The following FZR1 variants were observed in gnomAD, a reference collection of about 807,000 sequenced individuals.
FZR1 encodes the protein fizzy-related protein homolog.
A neutral mutation model predicts 63.6 loss-of-function variants in FZR1; 11 were observed. The ratio of observed to expected loss-of-function variants is 0.17; its 90% CI spans 0.11 to 0.29. The LOEUF (loss-of-function observed/expected upper bound fraction) is 0.29. Ranked by LOEUF, FZR1 falls within the 10% of genes least tolerant of loss-of-function variation. The pLI is 1.00. For synonymous variants in FZR1, 328 were observed against 297.9 expected (o/e 1.10, Z -1.04); for missense variants, 440 against 687.5 (o/e 0.64, Z 4.03).
At chr19:3,508,711 C>T (rs1159344756) in intron 1 of FZR1, among the ~76,000 whole-genome samples, 1 of 152,172 alleles carries the variant, frequency 6.6e-6, no homozygotes, top group Non-Finnish European at 1.5e-5. Context: ...GCTTGGTCTT[C>T]TAGGAACTCA....
chr19:3,534,365 C>G, intron 12 of FZR1, 56 bp from the exon 13 acceptor site: 1 of 982,242 alleles, frequency 1.0e-6, no homozygotes, highest in Non-Finnish European at 1.6e-6. Flanking sequence ...TCCCCCAGCA[C>G]TGTCCCGAGG....
rs1167032975 is a variant in FZR1, at chr19:3,514,376, T to A, written c.-35+7902T>A. Among the ~76,000 whole-genome samples, 2 of 152,166 alleles carry A rather than the reference T, an allele frequency of 1.3e-5. No individual in the cohort carries two copies. Among genetic ancestry groups the A allele is most frequent in the Non-Finnish European group, 2.9e-5 (2 of 68,006 alleles). The stretch of plus-strand genomic sequence containing the variant: ...TCTCTGCCCTTGCACCCTGTGGACA[T>A]TGGGGCCGGATCGTTCTCTGGGGTG... On this transcript the variant is annotated intron_variant, in intron 1 of 13. Coordinates refer to ENST00000441788, the MANE Select transcript of FZR1 (RefSeq NM_016263.4). This position sits in a 1 kb window ranked among gnomAD's most constrained non-coding sequence, Gnocchi z 4.2.
chr19:3,518,875 A>G (rs1482365088), intron 1 of FZR1, among the ~76,000 whole-genome samples: 3 of 152,232 alleles, frequency 2.0e-5, no homozygotes, highest in Non-Finnish European at 4.4e-5. Context: ...CCATAAAAAA[A>G]AGTGTTTCCT....
intron 1 of FZR1, among the ~76,000 whole-genome samples, chr19:3,506,948 C>T (rs922404245): frequency 6.6e-6 from 1 of 152,174 alleles, no homozygotes; most frequent in East Asian, 1.9e-4. Context: ...CACGAAGCCG[C>T]CCCCCATCGC....
chr19:3,532,596 C>T lies in FZR1; in HGVS notation c.1188C>T (p.Ile396=), dbSNP rs752495090. The change falls in exon 11 of 14, where the codon ATC becomes ATT. Residue 396 remains isoleucine (I), a synonymous_variant. Coordinates refer to ENST00000441788, the MANE Select transcript of FZR1 (RefSeq NM_016263.4). ...NTLTGQPLQC[I]DTGSQVCNLA... is the part of the protein sequence containing the mutation. ...TGACAGGACAACCACTGCAGTGTAT[C>T]GACACGGGCTCCCAAGTGTGCAATC... 28 of 1,612,610 alleles carry T rather than the reference C, an allele frequency of 1.7e-5. No homozygotes were observed. Among genetic ancestry groups the T allele is most frequent in the Admixed American group, 5.0e-5 (3 of 59,988 alleles).
Position 3,525,432 on chromosome 19 carries a change from CTTTTTTTTTTTTTTTT to C in FZR1, c.70-423_70-408del, listed in dbSNP as rs57486013. Among the ~76,000 whole-genome samples, 7 of 68,700 alleles carry C rather than the reference CTTTTTTTTTTTTTTTT, an allele frequency of 1.0e-4. No homozygotes were observed. Among genetic ancestry groups the C allele is most frequent in the East Asian group, 4.6e-4 (1 of 2,158 alleles). 45.1% of individuals were successfully genotyped at this position (68,700 alleles called of 152,430 possible). A position where few individuals can be genotyped will look rare whatever the true frequency, so the allele number is the denominator to read the frequency against. On this transcript the variant is annotated intron_variant, in intron 2 of 13. Coordinates refer to ENST00000441788, the MANE Select transcript of FZR1 (RefSeq NM_016263.4). This position sits in a 1 kb window ranked among gnomAD's most constrained non-coding sequence, Gnocchi z 4.2. Reference sequence around the variant, plus strand: ...TGTGTGGCTCCCCTCCTTGGGTTTTCTTTTTTTTTTTTTTTTTTTTTTTTTTTTGAGACGGAGTCTC... The same window carrying C: ...TGTGTGGCTCCCCTCCTTGGGTTTTCTTTTTTTTTTTTGAGACGGAGTCTC...
chr19:3,518,383 A>T (rs2083074557), intron 1 of FZR1, among the ~76,000 whole-genome samples: 1 of 152,146 alleles, frequency 6.6e-6, no homozygotes, highest in African/African-American at 2.4e-5. Context: ...TTTAACGAGT[A>T]AGATTTGCAT....
chr19:3,526,170 A>G lies in FZR1; in HGVS notation c.246A>G (p.Ser82=), dbSNP rs2121968332. The change falls in exon 4 of 14, where the codon TCA becomes TCG. Residue 82 remains serine (S), a synonymous_variant. Transcript: ENST00000441788. The surrounding 1 kb of genome is among the most constrained non-coding windows in gnomAD (Gnocchi z 5.4). ...SQNRKAKDAT[S]DNGKDGLAYS... ...ACCGGAAAGCCAAGGACGCCACCTC[A>G]GACAACGGCAAAGGTTAGGGTCCCA... is the stretch of plus-strand genomic sequence containing the variant. 6.2e-7 allele frequency: 1 copy of G among 1,612,820 alleles called. No individual in the cohort carries two copies. Among genetic ancestry groups the G allele is most frequent in the Non-Finnish European group, 8.5e-7 (1 of 1,179,938 alleles).
At chr19:3,521,175 C>G (rs939406493) in intron 1 of FZR1, 1 of 152,246 alleles carries the variant, frequency 6.6e-6, no homozygotes, top group African/African-American at 2.4e-5. Flanking sequence ...CATTTGTGTA[C>G]CAGTTCCTGT....
At position 3,523,153 on chromosome 19, in the gene FZR1, G is replaced by A. The variant is rs545582434; in HGVS notation, c.69+95G>A. On this transcript the variant is annotated intron_variant, in intron 2 of 13. Coordinates refer to ENST00000441788, the MANE Select transcript of FZR1 (RefSeq NM_016263.4). Reference sequence around the variant, plus strand: ...CTCAGGTGTCCCCACTGTCACTAAAGCCCCACGGACCACTCAGGTCCCAGT... The same window carrying A: ...CTCAGGTGTCCCCACTGTCACTAAAACCCCACGGACCACTCAGGTCCCAGT... The A allele has an allele frequency of 2.3e-5, 19 of 831,138 alleles. No homozygotes were observed. In the East Asian group the frequency reaches 4.6e-4, roughly 20 times the overall value. 51.5% of individuals were successfully genotyped at this position (831,138 alleles called of 1,614,324 possible). A position where few individuals can be genotyped will look rare whatever the true frequency, so the allele number is the denominator to read the frequency against.
chr19:3,527,853 C>A, intron 7 of FZR1, 39 bp downstream of exon 7: 1 of 1,514,458 alleles, frequency 6.6e-7, no homozygotes, highest in Non-Finnish European at 9.1e-7. Context: ...ATGGGGGCCT[C>A]CCCAGCTCCC....
intron 1 of FZR1, among the ~76,000 whole-genome samples, chr19:3,520,420 G>A (rs773784414): frequency 6.6e-6 from 1 of 152,244 alleles, no homozygotes; most frequent in Non-Finnish European, 1.5e-5. Flanking sequence ...GCTGAGCCAT[G>A]TAGAGAACCC....
chr19:3,527,769 G>A lies in FZR1; in HGVS notation c.609G>A (p.Val203=). Residue 203 remains valine (V), a synonymous_variant, in exon 7 of 14, where the codon GTG becomes GTA. Coordinates refer to ENST00000441788, the MANE Select transcript of FZR1 (RefSeq NM_016263.4). ...VDWSSLNVLS[V]GLGTCVYLWS... is the part of the protein sequence containing the mutation. ...GGTCGTCCCTCAATGTGCTCAGCGTGGGGCTAGGCACCTGCGTGTACCTGT... is the reference window on the plus strand; with the variant it reads ...GGTCGTCCCTCAATGTGCTCAGCGTAGGGCTAGGCACCTGCGTGTACCTGT... 1 of 1,612,796 alleles carries A rather than the reference G, an allele frequency of 6.2e-7. No homozygotes were observed. Among genetic ancestry groups the A allele is most frequent in the Non-Finnish European group, 8.5e-7 (1 of 1,179,750 alleles).
chr19:3,527,539 T>G, intron 6 of FZR1, 92 bp from the exon 7 acceptor site: 1 of 1,025,538 alleles, frequency 9.8e-7, no homozygotes, highest in Non-Finnish European at 1.4e-6. Flanking sequence ...ACTGGGCTCC[T>G]GGGGCTGGCA....
chr19:3,527,644 C>G lies in FZR1; in HGVS notation c.484C>G (p.Arg162Gly). Residue 162 changes from arginine to glycine, a missense_variant, in exon 7 of 14, where the codon CGG becomes GGG. By Grantham distance (125) the Arg-to-Gly change is moderately radical (BLOSUM62 -2). Coordinates refer to ENST00000441788, the MANE Select transcript of FZR1 (RefSeq NM_016263.4). The part of the protein sequence containing the change: ...PVSNKSQKLL[R>G]SPRKPTRKIS... Reference sequence around the variant, plus strand: ...CCGCCTCTGCAGCCAGAAGCTGCTCCGGTCCCCCCGGAAACCCACCCGCAA... The same window carrying G: ...CCGCCTCTGCAGCCAGAAGCTGCTCGGGTCCCCCCGGAAACCCACCCGCAA... 1 of 1,608,350 alleles carries G rather than the reference C, an allele frequency of 6.2e-7. No homozygotes were observed. The highest frequency in any genetic ancestry group is 8.5e-7 in the Non-Finnish European group (1 of 1,178,624).
chr19:3,508,200 CTTTTTTT>C (rs71166908), intron 1 of FZR1, among the ~76,000 whole-genome samples: 1 of 91,116 alleles, frequency 1.1e-5, no homozygotes, highest in Non-Finnish European at 2.0e-5. Context: ...CATTGATTTT[CTTTTTTT>C]TTTTTTTTTT....
Position 3,515,141 on chromosome 19 carries a change from G to C in FZR1, c.-34-7815G>C, listed in dbSNP as rs2083049767. On this transcript the variant is annotated intron_variant, in intron 1 of 13. Coordinates refer to ENST00000441788, the MANE Select transcript of FZR1 (RefSeq NM_016263.4). The surrounding 1 kb of genome is among the most constrained non-coding windows in gnomAD (Gnocchi z 4.6). ...CAGCATCCCCACTAGGCACCCCCGG[G>C]CCAGGGACAAGAACCTCTGCAGGGC... is the stretch of plus-strand genomic sequence containing the variant. Among the ~76,000 whole-genome samples, 1 of 152,338 alleles carries C rather than the reference G, an allele frequency of 6.6e-6. No homozygotes were observed. Among genetic ancestry groups the C allele is most frequent in the East Asian group, 1.9e-4 (1 of 5,184 alleles).
intron 13 of FZR1, 27 bp from the exon 14 acceptor site, chr19:3,534,768 G>C: frequency 1.9e-6 from 3 of 1,608,186 alleles, no homozygotes; most frequent in Non-Finnish European, 2.6e-6. Context: ...GCGGCTCAGC[G>C]CATCTGCCAT....
chr19:3,526,167 C>T lies in FZR1; in HGVS notation c.243C>T (p.Thr81=). 6.2e-7 allele frequency: 1 copy of T among 1,612,940 alleles called. No homozygotes were observed. The highest frequency in any genetic ancestry group is 8.5e-7 in the Non-Finnish European group (1 of 1,179,988). Residue 81 remains threonine, a synonymous_variant, in exon 4 of 14, where the codon ACC becomes ACT. Transcript: ENST00000441788. This position sits in a 1 kb window ranked among gnomAD's most constrained non-coding sequence, Gnocchi z 5.4. Reference sequence around the variant, plus strand: ...AGAACCGGAAAGCCAAGGACGCCACCTCAGACAACGGCAAAGGTTAGGGTC... The same window carrying T: ...AGAACCGGAAAGCCAAGGACGCCACTTCAGACAACGGCAAAGGTTAGGGTC... ...PSQNRKAKDA[T]SDNGKDGLAY... is the part of the protein sequence containing the mutation.
Sources: gnomAD v4.1 joint callset for allele counts (sites outside exome capture counted in the v4.1 genomes callset) on GRCh38, gnomAD v4.1.1 for gene constraint, Gnocchi (gnomAD v3.1) non-coding constraint, MANE v1.5 for transcripts, NCBI Gene and HGNC (gene_info 2026-07-23, HGNC 2026-07-21) for gene names.